MYCBP2: variants seen among roughly 807,000 people sequenced by gnomAD.
The protein encoded by MYCBP2 is MYC binding protein 2.
MYCBP2 carries 120 observed loss-of-function variants against 525.3 expected under a neutral mutation model. The observed-to-expected ratio is 0.23, with a 90% CI of 0.20 to 0.27. The LOEUF is 0.27. Ranked by LOEUF, MYCBP2 falls within the 10% of genes least tolerant of loss-of-function variation. The pLI is 1.00. For synonymous variants in MYCBP2, 1,894 were observed against 1,955.8 expected (o/e 0.97, Z 0.83); for missense variants, 4,149 against 5,657.1 (o/e 0.73, Z 8.55).
rs926422961 is a variant in MYCBP2, at chr13:77,205,456, A to G, written c.3715+17T>C. 6.2e-7 allele frequency: 1 copy of G among 1,612,324 alleles called. No homozygotes were observed. Among genetic ancestry groups the G allele is most frequent in the Non-Finnish European group, 8.5e-7 (1 of 1,179,460 alleles). On this transcript the variant is annotated intron_variant, in intron 25 of 82. Transcript: ENST00000544440. ...TTCAGTTGTAAGACAACATTTCCTAAACCGAAGTATACATACTTTCAAACC... is the reference window on the plus strand; with the variant it reads ...TTCAGTTGTAAGACAACATTTCCTAGACCGAAGTATACATACTTTCAAACC...
At chr13:77,101,483 T>G (rs2047053387) in intron 55 of MYCBP2, among the ~76,000 whole-genome samples, 1 of 152,096 alleles carries the variant, frequency 6.6e-6, no homozygotes, top group East Asian at 1.9e-4. Flanking sequence ...TGTGGTTGCC[T>G]GAAAAATGGA....
At chr13:77,052,274 C>T (rs562159761) in intron 80 of MYCBP2, among the ~76,000 whole-genome samples, 12 of 152,280 alleles carry the variant, frequency 7.9e-5, no homozygotes, top group Non-Finnish European at 1.3e-4. Context: ...TCATGGCTCC[C>T]GACAGCCTCA....
chr13:77,203,010 C>G (rs1418050721), intron 26 of MYCBP2, among the ~76,000 whole-genome samples: 4 of 151,408 alleles, frequency 2.6e-5, no homozygotes, highest in Admixed American at 2.0e-4. Context: ...TCTCTCACCA[C>G]TCCTATTCAA....
At chr13:77,060,459 C>G (rs1422334522) in intron 76 of MYCBP2, among the ~76,000 whole-genome samples, 1 of 152,184 alleles carries the variant, frequency 6.6e-6, no homozygotes, top group Non-Finnish European at 1.5e-5. Context: ...CGGATTTACA[C>G]CTAACTCCAA....
At chr13:77,237,264 T>C (rs1361007824) in intron 17 of MYCBP2, among the ~76,000 whole-genome samples, 1 of 152,200 alleles carries the variant, frequency 6.6e-6, no homozygotes, top group Non-Finnish European at 1.5e-5. Context: ...GTTCTTCTTG[T>C]ATTGTAAAAT....
chr13:77,165,915 T>A (rs567879445), intron 41 of MYCBP2, among the ~76,000 whole-genome samples: 1 of 152,308 alleles, frequency 6.6e-6, no homozygotes, highest in South Asian at 2.1e-4. Flanking sequence ...ACATAGTTTC[T>A]CTTCACACAA....
chr13:77,267,012 A>G (rs2074201157), intron 8 of MYCBP2, among the ~76,000 whole-genome samples: 1 of 152,084 alleles, frequency 6.6e-6, no homozygotes, highest in African/African-American at 2.4e-5. Context: ...TTCTCAATGC[A>G]CTCTTCAGAA....
chr13:77,060,386 A>G (rs2039054764), intron 76 of MYCBP2, among the ~76,000 whole-genome samples: 1 of 152,248 alleles, frequency 6.6e-6, no homozygotes, highest in Admixed American at 6.5e-5. Flanking sequence ...GGAAGAAATC[A>G]ACTATGAGAA....
At chr13:77,151,128 A>G (rs1483236715) in intron 46 of MYCBP2, among the ~76,000 whole-genome samples, 179 bp from the exon 47 acceptor site, 2 of 152,216 alleles carry the variant, frequency 1.3e-5, no homozygotes, top group Admixed American at 1.3e-4. Flanking sequence ...AGATGGGTTG[A>G]CAATATGAAC....
chr13:77,174,228 C>T lies in MYCBP2; in HGVS notation c.5651+83G>A, dbSNP rs543519131. ...CACTGTACAATTTAATTATAAGTATCCAGTTAGCAATTTTACCTGGTAGTA... is the reference window on the plus strand; with the variant it reads ...CACTGTACAATTTAATTATAAGTATTCAGTTAGCAATTTTACCTGGTAGTA... On this transcript the variant is annotated intron_variant, in intron 37 of 82. Coordinates refer to ENST00000544440, the MANE Select transcript of MYCBP2 (RefSeq NM_015057.5). 4 of 1,261,258 alleles carry T rather than the reference C, an allele frequency of 3.2e-6. No homozygotes were observed. The East Asian group carries it at 7.1e-5, about 22-fold the overall frequency. The allele number at this position is 1,261,258 out of a possible 1,614,324, so 78.1% of individuals were successfully genotyped here. A position where few individuals can be genotyped will look rare whatever the true frequency, so the allele number is the denominator to read the frequency against.
chr13:77,098,688 A>C lies in MYCBP2; in HGVS notation c.8466T>G (p.Pro2822=). 1 of 1,613,562 alleles carries C rather than the reference A, an allele frequency of 6.2e-7. No homozygotes were observed. ...SPGPGSRLSS[P]KPKTLPANRS... ...TATTGGCTGGGAGAGTCTTTGGCTT[A>C]GGAGATGACAACCGAGAACCTGGTC... Residue 2822 remains proline, a synonymous_variant, in exon 56 of 83, where the codon CCT becomes CCG. Coordinates refer to ENST00000544440, the MANE Select transcript of MYCBP2 (RefSeq NM_015057.5).
chr13:77,057,164 T>C, intron 78 of MYCBP2, 71 bp from the exon 79 acceptor site: 2 of 1,115,528 alleles, frequency 1.8e-6, no homozygotes, highest in Middle Eastern at 2.0e-4. Context: ...TGGGAGATTA[T>C]TTAATGCAAG....
chr13:77,276,129 G>A (rs2075548781), intron 4 of MYCBP2, among the ~76,000 whole-genome samples: 1 of 152,076 alleles, frequency 6.6e-6, no homozygotes, highest in South Asian at 2.1e-4. Flanking sequence ...CATAACAAAG[G>A]GGGTGCTATT....
chr13:77,194,348 C>A, intron 26 of MYCBP2, 104 bp from the exon 27 acceptor site: 1 of 737,618 alleles, frequency 1.4e-6, no homozygotes, highest in South Asian at 2.1e-5. Flanking sequence ...TGGACCATAC[C>A]AAATGTAAAA....
chr13:77,173,941 ACTAT>A (rs946421775), intron 37 of MYCBP2, among the ~76,000 whole-genome samples: 27 of 152,250 alleles, frequency 1.8e-4, no homozygotes, highest in African/African-American at 6.3e-4. Flanking sequence ...AGGCAACACC[ACTAT>A]CTGAGTACAG....
chr13:77,257,616 G>A, intron 14 of MYCBP2, 55 bp downstream of exon 14: 1 of 1,452,926 alleles, frequency 6.9e-7, no homozygotes, highest in Non-Finnish European at 9.1e-7. Context: ...ATGTTGTTCT[G>A]AAAAACTAAT....
intron 26 of MYCBP2, among the ~76,000 whole-genome samples, chr13:77,196,447 G>A (rs1333855507): frequency 6.6e-6 from 1 of 152,072 alleles, no homozygotes; most frequent in African/African-American, 2.4e-5. Flanking sequence ...GAGGACAGAC[G>A]TAGAACACAA....
chr13:77,216,149 C>A (rs1231251725), intron 21 of MYCBP2, among the ~76,000 whole-genome samples: 1 of 152,066 alleles, frequency 6.6e-6, no homozygotes, highest in East Asian at 1.9e-4. Context: ...AATACAGGAG[C>A]CAACTTGAAG....
chr13:77,144,177 G>A (rs937935681), intron 49 of MYCBP2: 21 of 420,376 alleles, frequency 5.0e-5, no homozygotes, highest in African/African-American at 2.0e-4. Context: ...TAACAGCAGC[G>A]TGGAAGAGAG....
Sources: allele counts gnomAD v4.1 joint callset (sites outside exome capture counted in the v4.1 genomes callset), GRCh38; gene constraint gnomAD v4.1.1; transcripts MANE v1.5; gene names NCBI Gene and HGNC (gene_info 2026-07-23, HGNC 2026-07-21).